The following ATP8A1 variants were observed in gnomAD, a reference collection of about 807,000 sequenced individuals.
ATP8A1 encodes ATPase phospholipid transporting 8A1, also known as phospholipid-transporting ATPase IA.
In ATP8A1, 90 loss-of-function variants were observed where a neutral mutation model predicts 177.7. The ratio of observed to expected loss-of-function variants is 0.51; its 90% CI spans 0.43 to 0.60. ATP8A1 has a LOEUF of 0.60. ATP8A1 is among the 20% of genes least tolerant of loss of function. The pLI is 0.00. For missense variants in ATP8A1, 1,072 were observed against 1,392.8 expected, an observed-to-expected ratio of 0.77 and a Z score of 3.67; for synonymous variants, 493 against 485.9, an observed-to-expected ratio of 1.01 and a Z score of -0.19.
Position 42,581,623 on chromosome 4 carries a change from G to A in ATP8A1, c.832C>T (p.Gln278Ter). ...GGTTTCATAGAGAAAAATTTCACCT[G>A]CATCAGCTTGGTGTCATGTCCAGTG... is the stretch of plus-strand genomic sequence containing the variant. Reference protein sequence around the residue: ...VYTGHDTKLMQNSTSPPLKLS... With the variant: ...VYTGHDTKLM Residue 278 changes from glutamine to a stop codon, truncating the protein, a stop_gained and splice_region_variant, in exon 10 of 37, where the codon CAG becomes TAG. Transcript: ENST00000381668. LOFTEE classifies it high-confidence loss of function. 6.2e-7 allele frequency: 1 copy of A among 1,611,730 alleles called. No homozygotes were observed. Among genetic ancestry groups the A allele is most frequent in the Middle Eastern group, 1.7e-4 (1 of 6,056 alleles).
chr4:42,486,267 G>A (rs1050289696), intron 24 of ATP8A1, among the ~76,000 whole-genome samples: 2 of 152,144 alleles, frequency 1.3e-5, no homozygotes, highest in East Asian at 1.9e-4. Flanking sequence ...AAAGGAAGGC[G>A]GAAGTAACTT....
chr4:42,450,002 T>G (rs1412998031), intron 30 of ATP8A1, among the ~76,000 whole-genome samples: 3 of 152,192 alleles, frequency 2.0e-5, no homozygotes, highest in African/African-American at 7.2e-5. Flanking sequence ...CCTATATCAA[T>G]TTTGCATTTT....
intron 24 of ATP8A1, among the ~76,000 whole-genome samples, chr4:42,493,087 G>A (rs1722888566): frequency 1.3e-5 from 2 of 152,078 alleles, no homozygotes; most frequent in African/African-American, 2.4e-5. Flanking sequence ...GCAGTGGTCT[G>A]CCTGTATCAT....
At chr4:42,442,839 T>C (rs1427579237) in intron 33 of ATP8A1, among the ~76,000 whole-genome samples, 1 of 152,210 alleles carries the variant, frequency 6.6e-6, no homozygotes, top group Non-Finnish European at 1.5e-5. Context: ...ATTTGCAAGT[T>C]ACTGTGAGGT....
At chr4:42,550,662 T>C (rs1009027190) in intron 18 of ATP8A1, among the ~76,000 whole-genome samples, 1 of 152,186 alleles carries the variant, frequency 6.6e-6, no homozygotes, top group Non-Finnish European at 1.5e-5. Context: ...CCAGGTGCAG[T>C]GGTTCATGCC....
At chr4:42,611,990 C>A (rs755377911) in intron 5 of ATP8A1, among the ~76,000 whole-genome samples, 1 of 152,050 alleles carries the variant, frequency 6.6e-6, no homozygotes, top group Non-Finnish European at 1.5e-5. Flanking sequence ...GGAAAATGAG[C>A]GCATTCTGAA....
intron 20 of ATP8A1, among the ~76,000 whole-genome samples, chr4:42,541,571 G>C (rs1035635298): frequency 2.6e-5 from 4 of 152,166 alleles, no homozygotes; most frequent in Non-Finnish European, 5.9e-5. Flanking sequence ...ACATGCATAT[G>C]CATGTTTACA....
At chr4:42,638,026 T>C (rs953319726) in intron 1 of ATP8A1, among the ~76,000 whole-genome samples, 1 of 152,224 alleles carries the variant, frequency 6.6e-6, no homozygotes, top group Non-Finnish European at 1.5e-5. Context: ...TATGGGTAAG[T>C]ATCTATTAAG....
chr4:42,612,367 T>C (rs1449983933), intron 5 of ATP8A1, among the ~76,000 whole-genome samples: 11 of 149,548 alleles, frequency 7.4e-5, no homozygotes, highest in Admixed American at 6.1e-4. Flanking sequence ...CTGGGAGCTA[T>C]TGGGAACACA....
chr4:42,580,819 G>A (rs1204608832), intron 10 of ATP8A1, among the ~76,000 whole-genome samples: 2 of 152,124 alleles, frequency 1.3e-5, no homozygotes, highest in African/African-American at 4.8e-5. Context: ...AGCAACTGTA[G>A]GCAGGTGTGA....
chr4:42,568,383 T>C (rs1457677568), intron 15 of ATP8A1, among the ~76,000 whole-genome samples: 1 of 152,222 alleles, frequency 6.6e-6, no homozygotes, highest in Non-Finnish European at 1.5e-5. Flanking sequence ...TGGAATGACC[T>C]ATAAATTCTC....
intron 10 of ATP8A1, among the ~76,000 whole-genome samples, chr4:42,581,238 A>G (rs1051691565): frequency 2.0e-5 from 3 of 151,868 alleles, no homozygotes; most frequent in Non-Finnish European, 4.4e-5. Context: ...GATTCACGCC[A>G]TTCTCCTGCC....
At chr4:42,490,443 G>A (rs1722627864) in intron 24 of ATP8A1, among the ~76,000 whole-genome samples, 1 of 152,118 alleles carries the variant, frequency 6.6e-6, no homozygotes, top group Non-Finnish European at 1.5e-5. Flanking sequence ...TTTCCCAGAG[G>A]CTACTCCAGA....
chr4:42,628,212 C>T (rs1738322378), intron 1 of ATP8A1, among the ~76,000 whole-genome samples: 1 of 152,170 alleles, frequency 6.6e-6, no homozygotes, highest in Admixed American at 6.5e-5. Context: ...GCTCCACCCA[C>T]TGATGAAAAA....
At chr4:42,553,744 T>C (rs142242369) in intron 16 of ATP8A1, among the ~76,000 whole-genome samples, 29 of 152,294 alleles carry the variant, frequency 1.9e-4, no homozygotes, top group African/African-American at 5.8e-4. Context: ...AGCTTGGCGT[T>C]GTGGGGAAGA....
At chr4:42,469,303 C>T (rs1485351832) in intron 25 of ATP8A1, among the ~76,000 whole-genome samples, 1 of 152,136 alleles carries the variant, frequency 6.6e-6, no homozygotes, top group African/African-American at 2.4e-5. Flanking sequence ...ACGAGCCCCA[C>T]TTACAATGCA....
intron 20 of ATP8A1, 78 bp from the exon 21 acceptor site, chr4:42,524,925 G>T: frequency 1.2e-6 from 1 of 865,396 alleles, no homozygotes; most frequent in Non-Finnish European, 1.8e-6. Context: ...AACAATAGCA[G>T]TAGGAAATCA....
chr4:42,558,647 G>A (rs1026858495), intron 15 of ATP8A1, among the ~76,000 whole-genome samples: 1 of 152,020 alleles, frequency 6.6e-6, no homozygotes, highest in Non-Finnish European at 1.5e-5. Flanking sequence ...CAAAATTCAT[G>A]TCAACAGGAG....
chr4:42,542,149 T>C (rs1164342886), intron 20 of ATP8A1, among the ~76,000 whole-genome samples: 1 of 152,146 alleles, frequency 6.6e-6, no homozygotes, highest in Non-Finnish European at 1.5e-5. Flanking sequence ...GTGGACTCTA[T>C]CTTCTGCTGA....
Sources: allele counts gnomAD v4.1 joint callset (sites outside exome capture counted in the v4.1 genomes callset), GRCh38; gene constraint gnomAD v4.1.1; transcripts MANE v1.5; gene names NCBI Gene and HGNC (gene_info 2026-07-23, HGNC 2026-07-21).